Variants in REV3L observed in about 807,000 individuals in gnomAD.
The protein encoded by REV3L is REV3 like, DNA directed polymerase zeta catalytic subunit, also known as DNA polymerase zeta catalytic subunit.
A neutral mutation model predicts 299.4 loss-of-function variants in REV3L; 69 were observed. That is an observed-to-expected ratio of 0.23 (90% CI 0.19 to 0.28). The LOEUF (loss-of-function observed/expected upper bound fraction) is 0.28. REV3L is among the 10% of genes least tolerant of loss of function. The probability of loss-of-function intolerance (pLI) is 1.00; values close to 1 mark genes in which losing one functional copy is unlikely to be tolerated. For missense variants in REV3L, 3,128 were observed against 3,693.8 expected (o/e 0.85, Z 3.97); for synonymous variants, 1,238 against 1,271.4 (o/e 0.97, Z 0.56).
Position 111,299,964 on chromosome 6 carries a change from T to C in REV3L, c.*52A>G, listed in dbSNP as rs139031605. The C allele has an allele frequency of 2.8e-4, 432 of 1,554,474 alleles. 3 individuals are homozygous for C. In the East Asian group the frequency reaches 8.9e-3, roughly 32 times the overall value. ...TTAAAAAGCACCATGCACAACAGTTTAGTGGTAAGCACTGAAAAAAATAGC... is the reference window on the plus strand; with the variant it reads ...TTAAAAAGCACCATGCACAACAGTTCAGTGGTAAGCACTGAAAAAAATAGC... On this transcript the variant is annotated 3_prime_UTR_variant, in exon 32 of 32. Coordinates refer to ENST00000368802, the MANE Select transcript of REV3L (RefSeq NM_001372078.1).
At chr6:111,342,496 G>A (rs892380350) in intron 21 of REV3L, among the ~76,000 whole-genome samples, 15 of 152,074 alleles carry the variant, frequency 9.9e-5, no homozygotes, top group South Asian at 4.2e-4. Context: ...GTGAAACCCC[G>A]TCTCTACTAA....
chr6:111,338,039 T>C (rs1299902448), intron 21 of REV3L, among the ~76,000 whole-genome samples: 1 of 152,098 alleles, frequency 6.6e-6, no homozygotes, highest in Non-Finnish European at 1.5e-5. Flanking sequence ...ACACAAGCAT[T>C]TTGCTGAGAT....
chr6:111,340,909 A>G (rs1434388535), intron 21 of REV3L, among the ~76,000 whole-genome samples: 1 of 151,858 alleles, frequency 6.6e-6, no homozygotes, highest in Non-Finnish European at 1.5e-5. Context: ...ATCATCCTAG[A>G]TAATACCTAA....
chr6:111,377,889 A>C (rs1780469069), intron 11 of REV3L, 46 bp from the exon 12 acceptor site: 13 of 1,525,312 alleles, frequency 8.5e-6, no homozygotes, highest in Non-Finnish European at 1.1e-5. Context: ...ATTAGTAAAG[A>C]CCATCTCAGA....
chr6:111,442,818 T>G (rs1267683829), intron 1 of REV3L, among the ~76,000 whole-genome samples: 1 of 152,210 alleles, frequency 6.6e-6, no homozygotes, highest in African/African-American at 2.4e-5. Flanking sequence ...TTTGAGAGAT[T>G]TTTCTTGGCT....
chr6:111,475,026 T>C (rs1418829059), intron 1 of REV3L, among the ~76,000 whole-genome samples: 4 of 140,530 alleles, frequency 2.8e-5, no homozygotes, highest in East Asian at 2.3e-4. Flanking sequence ...CACACACATA[T>C]GGATTTTATT....
In REV3L at chr6:111,309,882, C is replaced by T. The variant is rs753527005; in HGVS notation, c.9013G>A (p.Val3005Ile). ...ARIFSLIGID[V>I]FSWYHELPRI... ...GGTAATTCATGATACCAGCTGAAGA[C>T]ATCAATACCAATAAGTGAGAAGATT... The change falls in exon 30 of 32, where the codon GTC (valine) becomes ATC (isoleucine). Residue 3005 changes from valine (V) to isoleucine (I), a missense_variant. This residue lies in a region of REV3L where 294 missense variants were observed against 377.0 expected (regional missense o/e 0.78). Transcript: ENST00000368802. 3.1e-6 allele frequency: 5 copies of T among 1,613,936 alleles called. No individual in the cohort carries two copies. Among genetic ancestry groups the T allele is most frequent in the East Asian group, 4.5e-5 (2 of 44,888 alleles).
rs752472880 is a variant in REV3L, at chr6:111,380,034, C to T, written c.1402G>A (p.Val468Met). 6.2e-7 allele frequency: 1 copy of T among 1,614,084 alleles called. No homozygotes were observed. Among genetic ancestry groups the T allele is most frequent in the South Asian group, 1.1e-5 (1 of 91,082 alleles). ...TTGCTGTCCCATCTCTGGGACATCA[C>T]CAAACTAAGCTCCATTTCCTCTTTT... ...IEKEEMELSL[V>M]MSQRWDSNIE... Residue 468 changes from valine to methionine, a missense_variant, in exon 11 of 32, where the codon GTG becomes ATG. Val to Met is a conservative substitution (Grantham distance 21). Transcript: ENST00000368802.
chr6:111,431,047 T>C, intron 1 of REV3L: 2 of 1,531,698 alleles, frequency 1.3e-6, no homozygotes, highest in Non-Finnish European at 1.8e-6. Flanking sequence ...GCCCTACAGT[T>C]CTTATGCACC....
At chr6:111,389,274 C>T in intron 6 of REV3L, 64 bp from the exon 7 acceptor site, 2 of 1,214,258 alleles carry the variant, frequency 1.6e-6, no homozygotes, top group Non-Finnish European at 2.4e-6. Flanking sequence ...AAAATCTAAA[C>T]TTTTCTTTAA....
rs75835303 is a variant in REV3L at position 111,448,351 on chromosome 6, T to C, written c.140-31879A>G. On this transcript the variant is annotated intron_variant, in intron 1 of 31. Coordinates refer to ENST00000368802, the MANE Select transcript of REV3L (RefSeq NM_001372078.1). ...GGTTTTCTTTTTTTTCTTTTCTTTT[T>C]TTTTTGAGACAAGGTCTCGCTCTGT... is the stretch of plus-strand genomic sequence containing the variant. 6.7e-3 allele frequency among the ~76,000 whole-genome samples: 1,017 copies of C among 152,316 alleles called. 16 individuals carry two copies. Among genetic ancestry groups the C allele is most frequent in the African/African-American group, 0.023 (974 of 41,570 alleles).
At chr6:111,381,196 A>G (rs1780793495) in intron 10 of REV3L, 129 bp downstream of exon 10, 1 of 879,516 alleles carries the variant, frequency 1.1e-6, no homozygotes, top group Non-Finnish European at 1.7e-6. Flanking sequence ...TCATTTTCAT[A>G]TTCAGTAGAG....
At chr6:111,345,840 G>C (rs941297969) in intron 20 of REV3L, among the ~76,000 whole-genome samples, 1 of 150,376 alleles carries the variant, frequency 6.6e-6, no homozygotes, top group African/African-American at 2.5e-5. Context: ...AATCTAACTT[G>C]CACCTGTGAA....
chr6:111,384,082 C>T (rs2128248423), intron 9 of REV3L, among the ~76,000 whole-genome samples: 1 of 152,212 alleles, frequency 6.6e-6, no homozygotes, highest in Middle Eastern at 3.4e-3. Flanking sequence ...CTGATCTCTC[C>T]ACCATATTCA....
At chr6:111,480,845 T>TG (rs1793544733) in intron 1 of REV3L, among the ~76,000 whole-genome samples, 1 of 150,338 alleles carries the variant, frequency 6.7e-6, no homozygotes, top group Non-Finnish European at 1.5e-5. Flanking sequence ...TTTGTTTTTT[T>TG]TTTTTTTTTT....
At chr6:111,450,294 C>G (rs978261998) in intron 1 of REV3L, among the ~76,000 whole-genome samples, 2 of 151,816 alleles carry the variant, frequency 1.3e-5, no homozygotes, top group African/African-American at 4.8e-5. Flanking sequence ...GCCTGGGCAA[C>G]ATTGTGAGAC....
intron 1 of REV3L, chr6:111,430,761 G>C: frequency 6.3e-7 from 1 of 1,593,934 alleles, no homozygotes; most frequent in Non-Finnish European, 8.6e-7. Context: ...AATTTAGAGA[G>C]AGCGCAGGAG....
In REV3L at chr6:111,315,306, A is replaced by G. The variant is rs1221067077; in HGVS notation, c.8427T>C (p.Thr2809=). The change falls in exon 27 of 32, where the codon ACT becomes ACC. Residue 2809 remains threonine, a synonymous_variant. Transcript: ENST00000368802. The stretch of plus-strand genomic sequence containing the variant: ...ATTTCACTGGTTTAGGATTGGTAGC[A>G]GTTACAGCTTCGGCAATTTCCTGAC... ...KIGQEIAEAV[T]ATNPKPVKLK... 2 of 1,614,096 alleles carry G rather than the reference A, an allele frequency of 1.2e-6. No individual in the cohort carries two copies. The highest frequency in any genetic ancestry group is 2.2e-5 in the South Asian group (2 of 91,076).
Position 111,315,276 on chromosome 6 carries a change from CT to C in REV3L, c.8456del (p.Lys2819SerfsTer37). The C allele has an allele frequency of 6.2e-7, 1 of 1,613,640 alleles. No homozygotes were observed. The highest frequency in any genetic ancestry group is 8.5e-7 in the Non-Finnish European group (1 of 1,179,678). ...TATNPKPVKL[K>X]FEKVYLPCVL... ...ATTACATTCCTCTTACCTTTTCAAA[CT>C]TCAATTTCACTGGTTTAGGATTGGT... On this transcript the variant is annotated frameshift_variant, in exon 27 of 32. Transcript: ENST00000368802. LOFTEE classifies it high-confidence loss of function.
Sources: allele counts gnomAD v4.1 joint callset (sites outside exome capture counted in the v4.1 genomes callset), GRCh38; gene constraint gnomAD v4.1.1; regional missense constraint gnomAD v4.1.1; transcripts MANE v1.5; gene names NCBI Gene and HGNC (gene_info 2026-07-23, HGNC 2026-07-21).